CNST: variants seen among roughly 807,000 people sequenced by gnomAD.
CNST encodes the protein consortin.
In CNST, 39 loss-of-function variants were observed where a neutral mutation model predicts 72.4. That is an observed-to-expected ratio of 0.54 (90% CI 0.42 to 0.70). The LOEUF is 0.70. CNST is among the 30% of genes least tolerant of loss of function. The pLI is 0.00. For synonymous variants in CNST, 332 were observed against 320.1 expected (o/e 1.04, Z -0.40); for missense variants, 871 against 868.5 (o/e 1.00, Z -0.04).
At chr1:246,587,886 C>T (rs922959552) in intron 1 of CNST, among the ~76,000 whole-genome samples, 17 of 152,094 alleles carry the variant, frequency 1.1e-4, no homozygotes, top group African/African-American at 1.4e-4. Context: ...AGGTTTTTTT[C>T]GGAATATGAG....
At chr1:246,601,188 C>G (rs1299913245) in intron 2 of CNST, among the ~76,000 whole-genome samples, 2 of 151,966 alleles carry the variant, frequency 1.3e-5, no homozygotes, top group African/African-American at 4.8e-5. Flanking sequence ...ATCTGTAGTC[C>G]CAGCTACTCA....
At chr1:246,656,265 A>T (rs550618196) in intron 9 of CNST, among the ~76,000 whole-genome samples, 36 of 152,318 alleles carry the variant, frequency 2.4e-4, no homozygotes, top group African/African-American at 7.9e-4. Context: ...TTCTTGTCAC[A>T]TTAGGATTCA....
At chr1:246,624,158 A>T (rs1664269807) in intron 3 of CNST, among the ~76,000 whole-genome samples, 2 of 152,358 alleles carry the variant, frequency 1.3e-5, no homozygotes, top group South Asian at 4.1e-4. Context: ...AACTTGAAGA[A>T]TGCCTTTGAG....
chr1:246,584,175 C>T (rs1354198926), intron 1 of CNST, among the ~76,000 whole-genome samples: 1 of 152,216 alleles, frequency 6.6e-6, no homozygotes, highest in Non-Finnish European at 1.5e-5. Context: ...TCCCTGGTCT[C>T]AAGCGATCCT....
intron 2 of CNST, among the ~76,000 whole-genome samples, chr1:246,609,138 T>C (rs1345322248): frequency 6.6e-6 from 1 of 152,228 alleles, no homozygotes; most frequent in Non-Finnish European, 1.5e-5. Flanking sequence ...ATACATTCTT[T>C]TGGCCCGAGG....
chr1:246,646,516 T>C (rs953246339), intron 8 of CNST, among the ~76,000 whole-genome samples: 1 of 152,116 alleles, frequency 6.6e-6, no homozygotes, highest in African/African-American at 2.4e-5. Context: ...GTTTTGCTCT[T>C]GTTGCCCAGG....
At position 246,641,974 on chromosome 1, in the gene CNST, T is replaced by C. The variant is rs1280752609; in HGVS notation, c.874T>C (p.Cys292Arg). 4 of 1,612,752 alleles carry C rather than the reference T, an allele frequency of 2.5e-6. No individual in the cohort carries two copies. Among genetic ancestry groups the C allele is most frequent in the Admixed American group, 1.7e-5 (1 of 59,768 alleles). Residue 292 changes from cysteine to arginine, a missense_variant, in exon 8 of 11, where the codon TGC (cysteine) becomes CGC (arginine). Physicochemically the swap from Cys to Arg is radical, Grantham distance 180. Coordinates refer to ENST00000366513, the MANE Select transcript of CNST (RefSeq NM_152609.3). Reference sequence around the variant, plus strand: ...TGTGGAGAAGTCCCAGGAAAGGAAATGCTCCACGCAGTTACTAGTGTCTGA... The same window carrying C: ...TGTGGAGAAGTCCCAGGAAAGGAAACGCTCCACGCAGTTACTAGTGTCTGA... ...AAVEKSQERK[C>R]STQLLVSEDP...
rs77641214 is a variant in CNST, at chr1:246,649,576, C to T, written c.1836+1539C>T. 7.3e-3 allele frequency among the ~76,000 whole-genome samples: 1,111 copies of T among 152,110 alleles called. 9 individuals are homozygous for T. The highest frequency in any genetic ancestry group is 0.026 in the African/African-American group (1,061 of 41,486). Reference sequence around the variant, plus strand: ...AATCAAGTTGACCATAAAGGGAGAACCCATGTGGTCTAATTTTACCTTTTT... The same window carrying T: ...AATCAAGTTGACCATAAAGGGAGAATCCATGTGGTCTAATTTTACCTTTTT... On this transcript the variant is annotated intron_variant, in intron 9 of 10. Transcript: ENST00000366513.
At chr1:246,661,973 T>C (rs1358975623) in intron 10 of CNST, among the ~76,000 whole-genome samples, 1 of 152,218 alleles carries the variant, frequency 6.6e-6, no homozygotes. Flanking sequence ...CGTTCCTTAA[T>C]AGGAGGAACC....
chr1:246,616,132 T>C (rs771883323), intron 2 of CNST, among the ~76,000 whole-genome samples: 1 of 152,222 alleles, frequency 6.6e-6, no homozygotes, highest in Non-Finnish European at 1.5e-5. Context: ...TGGATTCATA[T>C]GTGGCAGCAG....
intron 8 of CNST, 107 bp downstream of exon 8, chr1:246,642,144 T>TG: frequency 9.6e-6 from 6 of 623,516 alleles, no homozygotes; most frequent in Non-Finnish European, 1.3e-5. Context: ...TTTTTTTTTT[T>TG]TTTTTTTTTT....
Position 246,612,684 on chromosome 1 carries a change from C to T in CNST, c.380-8745C>T, listed in dbSNP as rs116191984. Among the ~76,000 whole-genome samples the T allele has an allele frequency of 9.1e-3, 1,380 of 152,138 alleles. 11 individuals carry two copies. The highest frequency in any genetic ancestry group is 0.027 in the Middle Eastern group (8 of 294). ...GGCAGATTGCTTAAGCCCAGGAATT[C>T]GAGACCAGTCTGAGCAACATGGTGA... is the stretch of plus-strand genomic sequence containing the variant. On this transcript the variant is annotated intron_variant, in intron 2 of 10. Transcript: ENST00000366513.
At chr1:246,582,702 A>G (rs370123649) in intron 1 of CNST, among the ~76,000 whole-genome samples, 11 of 152,256 alleles carry the variant, frequency 7.2e-5, no homozygotes, top group African/African-American at 2.4e-4. Context: ...CTTATTCCAA[A>G]GTCTAACTAT....
At position 246,622,165 on chromosome 1, in the gene CNST, A is replaced by G. The variant is rs139785399; in HGVS notation, c.585+531A>G. On this transcript the variant is annotated intron_variant, in intron 3 of 10. Coordinates refer to ENST00000366513, the MANE Select transcript of CNST (RefSeq NM_152609.3). ...CCTTGGCTAATCCATAGTTTAAACA[A>G]TGGTTCACTTTTTAAATCAGTGATA... Among the ~76,000 whole-genome samples, 10 of 152,310 alleles carry G rather than the reference A, an allele frequency of 6.6e-5. No homozygotes were observed. The East Asian group carries it at 1.9e-3, about 29-fold the overall frequency.
Position 246,633,928 on chromosome 1 carries a change from G to A in CNST, c.621G>A (p.Glu207=), listed in dbSNP as rs761543480. The A allele has an allele frequency of 5.9e-5, 94 of 1,600,264 alleles. 4 individuals are homozygous for A. In the South Asian group the frequency reaches 9.8e-4, roughly 17 times the overall value. ...AESYFQEEDY[E]KAMKFIQLER... ...TTCCTTAAATGTTCTATTCAGATGA[G>A]AAAGCAATGAAATTCATTCAGCTAG... Residue 207 remains glutamate, a synonymous_variant, in exon 5 of 11, where the codon GAG becomes GAA. Coordinates refer to ENST00000366513, the MANE Select transcript of CNST (RefSeq NM_152609.3).
Position 246,608,702 on chromosome 1 carries a change from G to A in CNST, c.380-12727G>A, listed in dbSNP as rs568951294. On this transcript the variant is annotated intron_variant, in intron 2 of 10. Coordinates refer to ENST00000366513, the MANE Select transcript of CNST (RefSeq NM_152609.3). ...CACCAAGGGATGGGGAGCCTTGGCC[G>A]TTAGCAGCCTAAGGGAGCTCTTGTT... Among the ~76,000 whole-genome samples the A allele has an allele frequency of 2.6e-4, 40 of 152,256 alleles. No individual in the cohort carries two copies. The South Asian group carries it at 4.2e-3, about 16-fold the overall frequency.
chr1:246,627,292 A>T (rs35604699), intron 3 of CNST, among the ~76,000 whole-genome samples: 2 of 152,326 alleles, frequency 1.3e-5, no homozygotes, highest in South Asian at 4.1e-4. Context: ...GCCCTACATG[A>T]TCTTGTCCTG....
chr1:246,613,900 G>A (rs184358672), intron 2 of CNST, among the ~76,000 whole-genome samples: 6 of 151,100 alleles, frequency 4.0e-5, no homozygotes, highest in African/African-American at 1.5e-4. Flanking sequence ...CACCATGTTG[G>A]CCAGGCTGGT....
At chr1:246,573,861 G>GA (rs11399411) in intron 1 of CNST, among the ~76,000 whole-genome samples, 33,633 of 152,034 alleles carry the variant, frequency 0.22, 4,440 homozygotes, top group Admixed American at 0.31. Context: ...CAGTGTAAGT[G>GA]AAAAAATGTG....
Sources: allele counts gnomAD v4.1 joint callset (sites outside exome capture counted in the v4.1 genomes callset), GRCh38; gene constraint gnomAD v4.1.1; transcripts MANE v1.5; gene names NCBI Gene and HGNC (gene_info 2026-07-23, HGNC 2026-07-21).